The following EBF3 variants were observed in gnomAD, a reference collection of about 807,000 sequenced individuals.
The protein encoded by EBF3 is transcription factor COE3.
A neutral mutation model predicts 77.1 loss-of-function variants in EBF3; 18 were observed. The ratio of observed to expected loss-of-function variants is 0.23; its 90% CI spans 0.16 to 0.35. The LOEUF (loss-of-function observed/expected upper bound fraction) is 0.35, where lower values mean the gene tolerates loss of function less well. EBF3 is among the 10% of genes least tolerant of loss of function. The pLI is 1.00. For missense variants in EBF3, 558 were observed against 860.0 expected (o/e 0.65, Z 4.39); for synonymous variants, 350 against 343.5 (o/e 1.02, Z -0.21).
Position 129,958,521 on chromosome 10 carries a change from G to C in EBF3, c.485+413C>G, listed in dbSNP as rs545090110. On this transcript the variant is annotated intron_variant, in intron 5 of 16. Transcript: ENST00000440978. ...CACAATCCAATTCTCACATACACGC[G>C]CGCTATAGTAAGTACAAAAGAGTTT... is the stretch of plus-strand genomic sequence containing the variant. 9.8e-4 allele frequency among the ~76,000 whole-genome samples: 149 copies of C among 152,192 alleles called. 1 individual carries two copies. The highest frequency in any genetic ancestry group is 3.3e-3 in the African/African-American group (139 of 41,524).
At chr10:129,933,670 T>C (rs1474903782) in intron 6 of EBF3, among the ~76,000 whole-genome samples, 1 of 152,160 alleles carries the variant, frequency 6.6e-6, no homozygotes, top group Non-Finnish European at 1.5e-5. Context: ...TAAGGCCCCA[T>C]ACCAACCTTC....
chr10:129,852,934 G>C (rs1279250409), intron 10 of EBF3, among the ~76,000 whole-genome samples: 2 of 152,218 alleles, frequency 1.3e-5, no homozygotes, highest in Admixed American at 6.5e-5. Flanking sequence ...GGGAACTGCT[G>C]CAAGGGACTC....
At chr10:129,888,480 G>A (rs995358198) in intron 6 of EBF3, among the ~76,000 whole-genome samples, 5 of 152,258 alleles carry the variant, frequency 3.3e-5, no homozygotes, top group Non-Finnish European at 7.3e-5. Flanking sequence ...GGCCGCGGAG[G>A]CCCAGTCCCA....
Position 129,919,065 on chromosome 10 carries a change from A to G in EBF3, c.554+38193T>C, listed in dbSNP as rs139542091. ...GGAAGGGGACCCAGCCATGACTGAG[A>G]CTCTCTCTGTCCCCGAGGTGCTTGG... On this transcript the variant is annotated intron_variant, in intron 6 of 16. Coordinates refer to ENST00000440978, the MANE Select transcript of EBF3 (RefSeq NM_001375380.1). 3.4e-4 allele frequency among the ~76,000 whole-genome samples: 51 copies of G among 152,060 alleles called. 2 individuals are homozygous for G. The East Asian group carries it at 9.3e-3, about 28-fold the overall frequency.
chr10:129,917,883 G>T (rs1856004119), intron 6 of EBF3, among the ~76,000 whole-genome samples: 1 of 152,184 alleles, frequency 6.6e-6, no homozygotes, highest in African/African-American at 2.4e-5. Flanking sequence ...ACTAACAGTA[G>T]CAGATAAGGT....
In EBF3 at chr10:129,842,186, C is replaced by G. The variant is rs750836181; in HGVS notation, c.1302G>C (p.Met434Ile). ...TLGNNPAHTG[M>I]MGVNSFSSQL... ...GGCTGCTGAAGGAGTTGACGCCCAT[C>G]ATGCCCGTGTGTGCAGGGTTGTTGC... The change falls in exon 13 of 17, where the codon ATG becomes ATC. Residue 434 changes from methionine to isoleucine, a missense_variant. Met to Ile is a conservative substitution (Grantham distance 10). Around this residue, in one of 5 missense-constraint regions of EBF3, gnomAD observed 284 missense variants for 368.3 expected, o/e 0.77. Coordinates refer to ENST00000440978, the MANE Select transcript of EBF3 (RefSeq NM_001375380.1). This position sits in a 1 kb window ranked among gnomAD's most constrained non-coding sequence, Gnocchi z 4.4. 1.1e-5 allele frequency: 17 copies of G among 1,614,264 alleles called. No homozygotes were observed. The highest frequency in any genetic ancestry group is 1.4e-5 in the Non-Finnish European group (17 of 1,180,042).
intron 5 of EBF3, among the ~76,000 whole-genome samples, chr10:129,957,633 G>A (rs955740080): frequency 1.3e-5 from 2 of 152,226 alleles, no homozygotes; most frequent in Non-Finnish European, 2.9e-5. Flanking sequence ...GAACTGAGGA[G>A]AAGGGAAGGC....
intron 6 of EBF3, among the ~76,000 whole-genome samples, chr10:129,904,609 C>T (rs552545543): frequency 5.4e-5 from 8 of 148,128 alleles, no homozygotes; most frequent in Admixed American, 1.3e-4. Context: ...GATGGATAGA[C>T]GGATGGCTGG....
At chr10:129,921,173 C>T (rs1036284668) in intron 6 of EBF3, among the ~76,000 whole-genome samples, 1 of 152,100 alleles carries the variant, frequency 6.6e-6, no homozygotes, top group Non-Finnish European at 1.5e-5. Flanking sequence ...AAATCACTTT[C>T]GATGGTCAGG....
intron 11 of EBF3, chr10:129,845,932 C>CAT: frequency 2.4e-5 from 1 of 41,614 alleles, no homozygotes; most frequent in South Asian, 1.2e-3. Context: ...TTTCTGCTTT[C>CAT]ATTTTTTTTT....
At chr10:129,937,300 C>T (rs1206993138) in intron 6 of EBF3, among the ~76,000 whole-genome samples, 1 of 152,094 alleles carries the variant, frequency 6.6e-6, no homozygotes, top group Non-Finnish European at 1.5e-5. Flanking sequence ...GACAGCACTG[C>T]CCAGCTAAAG....
intron 6 of EBF3, among the ~76,000 whole-genome samples, chr10:129,917,055 G>C (rs181410063): frequency 6.6e-6 from 1 of 152,132 alleles, no homozygotes; most frequent in East Asian, 1.9e-4. Flanking sequence ...AAACAAAACC[G>C]GTTACTTGTC....
intron 6 of EBF3, among the ~76,000 whole-genome samples, chr10:129,929,488 G>A (rs891810128): frequency 2.0e-5 from 3 of 152,166 alleles, no homozygotes; most frequent in African/African-American, 7.2e-5. Flanking sequence ...TTACAGACGT[G>A]AGCCACCATG....
At chr10:129,937,816 T>C (rs527243933) in intron 6 of EBF3, among the ~76,000 whole-genome samples, 2 of 152,234 alleles carry the variant, frequency 1.3e-5, no homozygotes, top group Admixed American at 6.5e-5. Context: ...AGCCACACTT[T>C]CCCCAAGACG....
chr10:129,963,299 C>A lies in EBF3; in HGVS notation c.291+68G>T. The A allele has an allele frequency of 6.5e-7, 1 of 1,543,596 alleles. No individual in the cohort carries two copies. Among genetic ancestry groups the A allele is most frequent in the Non-Finnish European group, 8.7e-7 (1 of 1,147,670 alleles). On this transcript the variant is annotated intron_variant, in intron 2 of 16. Transcript: ENST00000440978. The surrounding 1 kb of genome is among the most constrained non-coding windows in gnomAD (Gnocchi z 7.1). The stretch of plus-strand genomic sequence containing the variant: ...CCGCCTAGGGGGGCACTCGAACCCC[C>A]GCGCACCGGCACCGCCTGCCTCCCG...
chr10:129,917,155 G>A (rs1326736879), intron 6 of EBF3, among the ~76,000 whole-genome samples: 1 of 152,172 alleles, frequency 6.6e-6, no homozygotes, highest in Non-Finnish European at 1.5e-5. Flanking sequence ...ATCACCTGAG[G>A]TCAGGAGTTC....
intron 6 of EBF3, among the ~76,000 whole-genome samples, chr10:129,918,640 C>T (rs752708676): frequency 1.9e-4 from 29 of 152,166 alleles, no homozygotes; most frequent in Admixed American, 3.9e-4. Context: ...CCCTGCCCTA[C>T]CCCCCTCCCC....
At chr10:129,875,827 G>A (rs1454990041) in intron 7 of EBF3, among the ~76,000 whole-genome samples, 3 of 152,186 alleles carry the variant, frequency 2.0e-5, no homozygotes, top group African/African-American at 7.2e-5. Context: ...CCTCTGCCTG[G>A]AGGAGCCAAG....
chr10:129,905,947 G>A (rs990639514), intron 6 of EBF3, among the ~76,000 whole-genome samples: 1 of 152,234 alleles, frequency 6.6e-6, no homozygotes, highest in African/African-American at 2.4e-5. Context: ...CTAGCCGAGT[G>A]TAAATTTAGA....
Sources: gnomAD v4.1 joint callset for allele counts (sites outside exome capture counted in the v4.1 genomes callset) on GRCh38, gnomAD v4.1.1 for gene constraint, gnomAD v4.1.1 regional missense constraint, Gnocchi (gnomAD v3.1) non-coding constraint, MANE v1.5 for transcripts, NCBI Gene and HGNC (gene_info 2026-07-23, HGNC 2026-07-21) for gene names.